The following FAM81B variants were observed in gnomAD, a reference collection of about 807,000 sequenced individuals.
The protein encoded by FAM81B is protein FAM81B.
In FAM81B, 60 loss-of-function variants were observed where a neutral mutation model predicts 58.7. That is an observed-to-expected ratio of 1.02 (90% CI 0.83 to 1.27). FAM81B has a LOEUF of 1.27. FAM81B is among the 50% of genes most tolerant of loss of function. The pLI is 0.00. For missense variants in FAM81B, 491 were observed against 522.0 expected, an observed-to-expected ratio of 0.94 and a Z score of 0.58; for synonymous variants, 189 against 179.6, an observed-to-expected ratio of 1.05 and a Z score of -0.42.
At chr5:95,402,603 G>T (rs1411431714) in intron 3 of FAM81B, among the ~76,000 whole-genome samples, 1 of 152,172 alleles carries the variant, frequency 6.6e-6, no homozygotes, top group East Asian at 1.9e-4. Context: ...ATAGCAGTAG[G>T]TGATACCCTC....
At chr5:95,446,812 C>CT (rs200792409) in intron 8 of FAM81B, 115 bp downstream of exon 8, 164,655 of 1,076,660 alleles carry the variant, frequency 0.15, 5,319 homozygotes, top group African/African-American at 0.4. Context: ...GCTTCAGTAA[C>CT]TTTTTTTTTT....
rs750460827 is a variant in FAM81B, at chr5:95,392,863, C to T, written c.194C>T (p.Pro65Leu). Residue 65 changes from proline (P) to leucine (L), a missense_variant, in exon 2 of 10, where the codon CCC (proline) becomes CTC (leucine). Physicochemically the swap from Pro to Leu is moderately conservative, Grantham distance 98 (BLOSUM62 -3). Coordinates refer to ENST00000283357, the MANE Select transcript of FAM81B (RefSeq NM_152548.3). Reference sequence around the variant, plus strand: ...GAACAGCCAGTTGAACCTGATGGCCCCCTTCCTGGCTCAGACAATAACCAA... The same window carrying T: ...GAACAGCCAGTTGAACCTGATGGCCTCCTTCCTGGCTCAGACAATAACCAA... ...AEEQPVEPDGPLPGSDNNQEK... is the reference protein window; with the variant it reads ...AEEQPVEPDGLLPGSDNNQEK... 12 of 1,611,804 alleles carry T rather than the reference C, an allele frequency of 7.4e-6. No individual in the cohort carries two copies. Among genetic ancestry groups the T allele is most frequent in the East Asian group, 4.5e-5 (2 of 44,838 alleles).
intron 3 of FAM81B, among the ~76,000 whole-genome samples, chr5:95,410,509 C>T (rs1312048425): frequency 6.6e-6 from 1 of 152,184 alleles, no homozygotes; most frequent in East Asian, 1.9e-4. Context: ...AAATCTGTCA[C>T]TATTGGCCTA....
chr5:95,417,143 A>G (rs1370735792), intron 4 of FAM81B, among the ~76,000 whole-genome samples: 1 of 152,250 alleles, frequency 6.6e-6, no homozygotes, highest in African/African-American at 2.4e-5. Flanking sequence ...TTACTAAGGT[A>G]TGAATACTGT....
intron 3 of FAM81B, among the ~76,000 whole-genome samples, chr5:95,399,616 G>A (rs550879474): frequency 5.9e-5 from 9 of 152,268 alleles, no homozygotes; most frequent in African/African-American, 1.9e-4. Context: ...CTCCTAAGAG[G>A]CTGTCTGGAT....
intron 5 of FAM81B, among the ~76,000 whole-genome samples, chr5:95,422,062 A>G (rs9314137): frequency 0.23 from 34,772 of 152,014 alleles, 4,200 homozygotes; most frequent in African/African-American, 0.31. Context: ...GGAGCTCAAA[A>G]GGGGAGGAAG....
rs1460488747 is a variant in FAM81B at position 95,420,289 on chromosome 5, A to G, written c.543A>G (p.Leu181=). 1 of 1,613,662 alleles carries G rather than the reference A, an allele frequency of 6.2e-7. No individual in the cohort carries two copies. The highest frequency in any genetic ancestry group is 1.1e-5 in the South Asian group (1 of 91,074). Residue 181 remains leucine (L), a synonymous_variant, in exon 5 of 10, where the codon TTA becomes TTG. Transcript: ENST00000283357. ...VKKLSQNIEI[L]EDQIRARDQA... The stretch of plus-strand genomic sequence containing the variant: ...AATTTGACTCAAAATTACAGATTTT[A>G]GAAGACCAAATAAGAGCTCGAGATC...
At chr5:95,405,684 C>T (rs1435740998) in intron 3 of FAM81B, among the ~76,000 whole-genome samples, 1 of 152,156 alleles carries the variant, frequency 6.6e-6, no homozygotes, top group Non-Finnish European at 1.5e-5. Flanking sequence ...GAACTCATTT[C>T]CCCTGGGCAT....
chr5:95,448,170 T>C, intron 8 of FAM81B, 99 bp from the exon 9 acceptor site: 6 of 1,174,640 alleles, frequency 5.1e-6, no homozygotes, highest in Non-Finnish European at 7.1e-6. Context: ...TGAATTTTCA[T>C]GCTTAACATA....
chr5:95,408,884 T>C (rs577943404), intron 3 of FAM81B, among the ~76,000 whole-genome samples: 1 of 152,320 alleles, frequency 6.6e-6, no homozygotes, highest in Non-Finnish European at 1.5e-5. Context: ...TGACGTTTTC[T>C]TCCCTCTTTC....
chr5:95,436,974 G>A (rs1745130257), intron 7 of FAM81B, 68 bp downstream of exon 7: 1 of 1,238,886 alleles, frequency 8.1e-7, no homozygotes, highest in Non-Finnish European at 1.2e-6. Flanking sequence ...TGAAAGCATT[G>A]GCATGAAATA....
At chr5:95,424,386 G>C (rs535237077) in intron 5 of FAM81B, among the ~76,000 whole-genome samples, 1 of 150,892 alleles carries the variant, frequency 6.6e-6, no homozygotes, top group Middle Eastern at 3.4e-3. Context: ...AAAAGTATAG[G>C]AAGAGTTCAA....
intron 4 of FAM81B, among the ~76,000 whole-genome samples, chr5:95,418,490 A>T (rs1762594076): frequency 6.6e-6 from 1 of 152,206 alleles, no homozygotes; most frequent in African/African-American, 2.4e-5. Context: ...AATTCATGCT[A>T]GTTTTGCTGT....
At chr5:95,429,414 C>T (rs1407913336) in intron 6 of FAM81B, among the ~76,000 whole-genome samples, 2 of 152,184 alleles carry the variant, frequency 1.3e-5, no homozygotes, top group African/African-American at 4.8e-5. Flanking sequence ...TTATGCAAAA[C>T]AAGCACTTCT....
intron 3 of FAM81B, among the ~76,000 whole-genome samples, chr5:95,407,420 A>ACG (rs1370505142): frequency 9.1e-5 from 13 of 142,982 alleles, no homozygotes; most frequent in East Asian, 2.0e-4. Flanking sequence ...GCACACACAC[A>ACG]CGCGTGCGCG....
chr5:95,446,295 T>C (rs946680607), intron 7 of FAM81B, among the ~76,000 whole-genome samples: 1 of 152,172 alleles, frequency 6.6e-6, no homozygotes, highest in Non-Finnish European at 1.5e-5. Flanking sequence ...TGGCTGTGGT[T>C]AGCTCCCAGC....
chr5:95,425,714 CAG>C (rs1250372066), intron 5 of FAM81B, among the ~76,000 whole-genome samples: 4 of 152,164 alleles, frequency 2.6e-5, no homozygotes, highest in Non-Finnish European at 5.9e-5. Flanking sequence ...ATTCTAGTGA[CAG>C]AACACAGTGC....
At chr5:95,402,570 T>C (rs1392396478) in intron 3 of FAM81B, among the ~76,000 whole-genome samples, 2 of 152,218 alleles carry the variant, frequency 1.3e-5, no homozygotes, top group Non-Finnish European at 2.9e-5. Flanking sequence ...AATGTCTCCA[T>C]GGTTGCAGGC....
intron 9 of FAM81B, 73 bp from the exon 10 acceptor site, chr5:95,450,076 C>A (rs1745740866): frequency 1.3e-6 from 2 of 1,497,620 alleles, no homozygotes; most frequent in South Asian, 2.7e-5. Flanking sequence ...GGCAGGACTG[C>A]CGATTAGCAA....
Sources: gnomAD v4.1 joint callset for allele counts (sites outside exome capture counted in the v4.1 genomes callset) on GRCh38, gnomAD v4.1.1 for gene constraint, MANE v1.5 for transcripts, NCBI Gene and HGNC (gene_info 2026-07-23, HGNC 2026-07-21) for gene names.